The following DDC variants were observed in gnomAD, a reference collection of about 807,000 sequenced individuals.
DDC encodes dopa decarboxylase, also known as aromatic-L-amino-acid decarboxylase.
DDC carries 43 observed loss-of-function variants against 60.0 expected under a neutral mutation model. The ratio of observed to expected loss-of-function variants is 0.72; its 90% CI spans 0.56 to 0.92. The LOEUF (loss-of-function observed/expected upper bound fraction) is 0.92. DDC is among the 40% of genes least tolerant of loss of function. DDC has a pLI of 0.00. For synonymous variants in DDC, 232 were observed against 234.6 expected, an observed-to-expected ratio of 0.99 and a Z score of 0.10; for missense variants, 573 against 620.2, an observed-to-expected ratio of 0.92 and a Z score of 0.81.
intron 12 of DDC, among the ~76,000 whole-genome samples, chr7:50,469,116 T>C (rs2042469288): frequency 1.9e-5 from 2 of 104,776 alleles, no homozygotes; most frequent in South Asian, 6.2e-4. Context: ...ATTTTTTGTA[T>C]TTTTTTTTTA....
intron 7 of DDC, among the ~76,000 whole-genome samples, chr7:50,500,055 G>C (rs181926189): frequency 3.3e-5 from 5 of 152,280 alleles, no homozygotes; most frequent in African/African-American, 4.8e-5. Flanking sequence ...AATAAATGTG[G>C]CTTCCATGGT....
At chr7:50,564,675 A>T in intron 1 of DDC, among the ~76,000 whole-genome samples, 1 of 151,170 alleles carries the variant, frequency 6.6e-6, no homozygotes, top group African/African-American at 2.4e-5. Flanking sequence ...TCCTATCCGC[A>T]TATGTTTTCA....
At chr7:50,469,952 C>A in intron 12 of DDC, 121 bp downstream of exon 12, 1 of 700,096 alleles carries the variant, frequency 1.4e-6, no homozygotes, top group South Asian at 1.6e-5. Context: ...GCACTCCAGC[C>A]TGGGGGACAA....
chr7:50,477,681 AG>A, intron 10 of DDC: 1 of 361,690 alleles, frequency 2.8e-6, no homozygotes, highest in African/African-American at 2.2e-5. Context: ...AGGAGATGCA[AG>A]ACCTCCACCC....
chr7:50,509,877 C>T (rs2043501132), intron 6 of DDC, among the ~76,000 whole-genome samples: 1 of 152,134 alleles, frequency 6.6e-6, no homozygotes, highest in African/African-American at 2.4e-5. Flanking sequence ...AAACCCATCT[C>T]TTTCATTAAG....
chr7:50,540,255 G>A (rs1252220991), intron 2 of DDC: 3 of 524,532 alleles, frequency 5.7e-6, no homozygotes, highest in Non-Finnish European at 1.1e-5. Flanking sequence ...CTCCCTTTTT[G>A]ACACTGGAAT....
Position 50,462,768 on chromosome 7 carries a change from G to GT in DDC, c.*18+444dup, listed in dbSNP as rs11302809. On this transcript the variant is annotated intron_variant, in intron 14 of 14. Transcript: ENST00000444124. ...ATTAACATGGTTTTCTCTTCTTCTT[G>GT]TTTTTTTTTTTTTTTTTTTTTGGAC... Among the ~76,000 whole-genome samples the GT allele has an allele frequency of 5.5e-3, 543 of 98,326 alleles. 9 individuals carry two copies. The highest frequency in any genetic ancestry group is 0.016 in the East Asian group (58 of 3,648). 64.5% of individuals were successfully genotyped at this position (98,326 alleles called of 152,430 possible).
At chr7:50,541,668 A>G (rs2044638062) in intron 2 of DDC, among the ~76,000 whole-genome samples, 1 of 152,176 alleles carries the variant, frequency 6.6e-6, no homozygotes, top group Non-Finnish European at 1.5e-5. Context: ...TCTTGATCTC[A>G]GACTTCCTGT....
At chr7:50,538,295 A>T (rs766226353) in intron 3 of DDC, among the ~76,000 whole-genome samples, 17 of 152,180 alleles carry the variant, frequency 1.1e-4, no homozygotes, top group Non-Finnish European at 1.9e-4. Context: ...CTCCGTAGTC[A>T]CAAATGAAGG....
At chr7:50,501,449 C>A (rs2043254842) in intron 7 of DDC, among the ~76,000 whole-genome samples, 1 of 152,158 alleles carries the variant, frequency 6.6e-6, no homozygotes, top group South Asian at 2.1e-4. Flanking sequence ...TCCAAGCAGA[C>A]CAATCTGAAT....
At chr7:50,495,181 G>T (rs1281270144) in intron 9 of DDC, among the ~76,000 whole-genome samples, 169 bp downstream of exon 9, 1 of 152,142 alleles carries the variant, frequency 6.6e-6, no homozygotes, top group Non-Finnish European at 1.5e-5. Context: ...CTAGATAAAA[G>T]TTTCCAGTGA....
chr7:50,547,862 C>T (rs915341550), intron 1 of DDC, among the ~76,000 whole-genome samples: 3 of 152,198 alleles, frequency 2.0e-5, no homozygotes, highest in African/African-American at 4.8e-5. Context: ...AGGTACACCC[C>T]GTTTTATTGC....
At position 50,529,300 on chromosome 7, in the gene DDC, G is replaced by C; in HGVS notation, c.478C>G (p.Arg160Gly). ...EATLVALLAA[R>G]TKVIHRLQAA... ...TGCAGCCGATGGATCACTTTGGTCC[G>C]AGCGGCCAGCAGGGCCACCAGGGTG... The change falls in exon 5 of 15, where the codon CGG becomes GGG. Residue 160 changes from arginine (R) to glycine (G), a missense_variant. By Grantham distance (125) the Arg-to-Gly change is moderately radical. Transcript: ENST00000444124. The C allele has an allele frequency of 6.2e-7, 1 of 1,614,160 alleles. No homozygotes were observed. Among genetic ancestry groups the C allele is most frequent in the South Asian group, 1.1e-5 (1 of 91,078 alleles).
chr7:50,554,269 G>C (rs909603434), intron 1 of DDC, among the ~76,000 whole-genome samples: 3 of 152,158 alleles, frequency 2.0e-5, no homozygotes. Context: ...TGCAGAGTCA[G>C]TGTTCAGTAA....
chr7:50,459,759 G>A lies in DDC; in HGVS notation c.*19-916C>T, dbSNP rs544998674. On this transcript the variant is annotated intron_variant, in intron 14 of 14. Transcript: ENST00000444124. ...TGGGAAGTGAGGAGCGTCTCTGCCC[G>A]GCAGCCACCCCATCCGGGAGGGAGG... 47 of 157,602 alleles carry A rather than the reference G, an allele frequency of 3.0e-4. No individual in the cohort carries two copies. The South Asian group carries it at 8.1e-3, about 27-fold the overall frequency. The allele number at this position is 157,602 out of a possible 1,614,324, so 9.8% of individuals were successfully genotyped here. A position where few individuals can be genotyped will look rare whatever the true frequency, so the allele number is the denominator to read the frequency against.
intron 4 of DDC, among the ~76,000 whole-genome samples, chr7:50,531,556 C>T (rs1250518120): frequency 6.6e-6 from 1 of 150,626 alleles, no homozygotes; most frequent in African/African-American, 2.4e-5. Context: ...ATCACCATGA[C>T]AACTCATTAT....
At chr7:50,460,247 C>T (rs2042237829) in intron 14 of DDC, among the ~76,000 whole-genome samples, 1 of 146,258 alleles carries the variant, frequency 6.8e-6, no homozygotes, top group African/African-American at 2.6e-5. Context: ...GGGTCAGCCC[C>T]TGGCCCAGCC....
chr7:50,529,472 T>C, intron 4 of DDC, 130 bp from the exon 5 acceptor site: 1 of 1,074,434 alleles, frequency 9.3e-7, no homozygotes, highest in Non-Finnish European at 1.4e-6. Context: ...CAAAATTCAC[T>C]CTCCTTTGCT....
intron 12 of DDC, among the ~76,000 whole-genome samples, chr7:50,469,400 G>C (rs2042479710): frequency 6.6e-6 from 1 of 152,138 alleles, no homozygotes; most frequent in Admixed American, 6.5e-5. Flanking sequence ...CTGCTGGTCT[G>C]GAAGCATGTC....
Sources: allele counts gnomAD v4.1 joint callset (sites outside exome capture counted in the v4.1 genomes callset), GRCh38; gene constraint gnomAD v4.1.1; transcripts MANE v1.5; gene names NCBI Gene and HGNC (gene_info 2026-07-23, HGNC 2026-07-21).